The following USP28 variants were observed in gnomAD, a reference collection of about 807,000 sequenced individuals.
The protein encoded by USP28 is ubiquitin carboxyl-terminal hydrolase 28.
Under a neutral mutation model 145.0 loss-of-function variants are expected in USP28, and 113 were observed. The ratio of observed to expected loss-of-function variants is 0.78; its 90% CI spans 0.67 to 0.91. The LOEUF (loss-of-function observed/expected upper bound fraction) is 0.91. USP28 is among the 40% of genes least tolerant of loss of function. USP28 has a pLI of 0.00. For synonymous variants in USP28, 447 were observed against 450.9 expected (o/e 0.99, Z 0.11); for missense variants, 1,201 against 1,289.6 (o/e 0.93, Z 1.05).
chr11:113,842,256 T>C (rs540262110), intron 3 of USP28, among the ~76,000 whole-genome samples: 56 of 150,118 alleles, frequency 3.7e-4, no homozygotes, highest in African/African-American at 1.1e-3. Flanking sequence ...TATTAGCAAA[T>C]AGAACCCAAT....
chr11:113,815,468 T>C (rs1359999260), intron 13 of USP28, 86 bp from the exon 14 acceptor site: 2 of 1,247,744 alleles, frequency 1.6e-6, no homozygotes, highest in East Asian at 2.4e-5. Flanking sequence ...CAAGATGCTA[T>C]ATGAAAAAGT....
chr11:113,875,369 A>G (rs1490120328), intron 1 of USP28, 76 bp downstream of exon 1: 3 of 1,111,948 alleles, frequency 2.7e-6, no homozygotes, highest in Non-Finnish European at 3.3e-6. Context: ...CGCAACCCGC[A>G]GCCCTGCAGG....
At chr11:113,815,221 T>G (rs767832763) in exon 14 of USP28, 2 of 1,614,210 alleles carry the variant, frequency 1.2e-6, no homozygotes, top group East Asian at 2.2e-5. Flanking sequence ...AAGACAGGTC[T>G]TAACAAAATT....
At chr11:113,855,537 G>T (rs1472432069) in intron 1 of USP28, among the ~76,000 whole-genome samples, 1 of 152,182 alleles carries the variant, frequency 6.6e-6, no homozygotes, top group Non-Finnish European at 1.5e-5. Flanking sequence ...AATAGAAACA[G>T]TATCTTATGT....
exon 10 of USP28, chr11:113,829,316 C>T (rs768157200): frequency 4.3e-6 from 7 of 1,613,964 alleles, no homozygotes; most frequent in East Asian, 2.2e-5. Context: ...GGATACTGGC[C>T]GAAGGTCTCA....
chr11:113,863,719 C>A (rs10750033), intron 1 of USP28, among the ~76,000 whole-genome samples: 2 of 149,028 alleles, frequency 1.3e-5, no homozygotes, highest in East Asian at 2.1e-4. Context: ...GCTGAGGCGG[C>A]CGGATCACAA....
chr11:113,805,485 A>G (rs1370496547), intron 19 of USP28, among the ~76,000 whole-genome samples: 1 of 152,052 alleles, frequency 6.6e-6, no homozygotes, highest in East Asian at 1.9e-4. Context: ...CAAACTCCTG[A>G]GCTCAAGCAA....
intron 13 of USP28, 53 bp downstream of exon 13, chr11:113,817,603 TTA>T: frequency 3.2e-6 from 5 of 1,580,600 alleles, no homozygotes; most frequent in Non-Finnish European, 4.3e-6. Flanking sequence ...GGTGCATAGT[TTA>T]AATTATACCA....
intron 3 of USP28, among the ~76,000 whole-genome samples, chr11:113,842,050 TG>T (rs1159386581): frequency 1.3e-5 from 2 of 152,296 alleles, no homozygotes; most frequent in Admixed American, 1.3e-4. Flanking sequence ...CCCATACATG[TG>T]GGTTAAATAG....
chr11:113,848,407 C>A (rs1946113302), intron 3 of USP28, among the ~76,000 whole-genome samples: 1 of 152,152 alleles, frequency 6.6e-6, no homozygotes, highest in Admixed American at 6.5e-5. Flanking sequence ...TAAAGACTGA[C>A]AAACAGCCAA....
intron 3 of USP28, among the ~76,000 whole-genome samples, chr11:113,844,521 C>G (rs1283311810): frequency 6.6e-6 from 1 of 151,890 alleles, no homozygotes; most frequent in Non-Finnish European, 1.5e-5. Context: ...GATAAGAGAT[C>G]TACACACAGA....
At chr11:113,804,749 G>A (rs766579655) in exon 21 of USP28, 1 of 1,614,150 alleles carries the variant, frequency 6.2e-7, no homozygotes, top group Non-Finnish European at 8.5e-7. Flanking sequence ...AATGCTGATT[G>A]ATCTGTGTGG....
In USP28 at chr11:113,808,247, C is replaced by A. The variant is rs754694092; in HGVS notation, c.2304+51G>T. On this transcript the variant is annotated intron_variant, in intron 18 of 24. Coordinates refer to ENST00000003302, the Ensembl canonical transcript of USP28. The stretch of plus-strand genomic sequence containing the variant: ...ATAGAAATGTGAGAAAACTGGCCAT[C>A]GCTGCTGAAAGCCCGGCTCTCCTGA... 1.8e-5 allele frequency: 29 copies of A among 1,588,410 alleles called. No individual in the cohort carries two copies. The South Asian group carries it at 3.0e-4, about 16-fold the overall frequency.
intron 1 of USP28, chr11:113,874,949 G>GA: frequency 1.1e-5 from 5 of 451,256 alleles, no homozygotes; most frequent in Non-Finnish European, 1.5e-5. Flanking sequence ...GGGAGGGAGG[G>GA]AAGTGGTGGT....
chr11:113,819,932 G>A (rs977680014), intron 12 of USP28, among the ~76,000 whole-genome samples: 4 of 152,066 alleles, frequency 2.6e-5, no homozygotes, highest in African/African-American at 7.2e-5. Flanking sequence ...TTGGTCAGGC[G>A]GGTCTGGAAC....
intron 8 of USP28, 158 bp from the exon 9 acceptor site, chr11:113,831,101 T>G (rs1943934918): frequency 3.1e-6 from 2 of 648,538 alleles, no homozygotes; most frequent in Non-Finnish European, 5.4e-6. Context: ...AGTTCAAATA[T>G]TTATTGAACA....
intron 24 of USP28, 79 bp downstream of exon 25, chr11:113,801,404 C>G: frequency 4.3e-6 from 5 of 1,171,320 alleles, no homozygotes; most frequent in Non-Finnish European, 5.9e-6. Context: ...AAAGGTTTGG[C>G]AACCAGTGCT....
chr11:113,833,299 A>C (rs1944219296), intron 7 of USP28, 121 bp downstream of exon 7: 2 of 1,366,418 alleles, frequency 1.5e-6, no homozygotes, highest in Non-Finnish European at 2.0e-6. Context: ...AAAGTCAGAA[A>C]CGAGCATCCA....
chr11:113,812,347 T>A, exon 16 of USP28: 1 of 1,614,120 alleles, frequency 6.2e-7, no homozygotes, highest in Non-Finnish European at 8.5e-7. Context: ...CAGGCCTCCA[T>A]AGGAATCTCT....
Sources: gnomAD v4.1 joint callset for allele counts (sites outside exome capture counted in the v4.1 genomes callset) on GRCh38, gnomAD v4.1.1 for gene constraint, MANE v1.5 for transcripts, NCBI Gene and HGNC (gene_info 2026-07-23, HGNC 2026-07-21) for gene names.